Variants in EYS observed in about 807,000 individuals in gnomAD.
EYS encodes protein eyes shut homolog.
Under a neutral mutation model 282.1 loss-of-function variants are expected in EYS, and 250 were observed. The observed-to-expected ratio is 0.89, with a 90% CI of 0.80 to 0.98. The LOEUF (loss-of-function observed/expected upper bound fraction) is 0.98, where lower values mean the gene tolerates loss of function less well. Ranked by LOEUF, EYS falls within the 50% of genes least tolerant of loss-of-function variation. EYS has a pLI of 0.00. For synonymous variants in EYS, 1,355 were observed against 1,282.9 expected, an observed-to-expected ratio of 1.06 and a Z score of -1.20; for missense variants, 4,016 against 3,709.0, an observed-to-expected ratio of 1.08 and a Z score of -2.15.
intron 8 of EYS, among the ~76,000 whole-genome samples, chr6:65,380,703 A>C (rs1008086817): frequency 6.6e-6 from 1 of 152,190 alleles, no homozygotes; most frequent in Admixed American, 6.6e-5. Flanking sequence ...AATGGGAGAA[A>C]AATTTTGCAA....
intron 22 of EYS, among the ~76,000 whole-genome samples, chr6:64,688,007 T>G (rs1770221691): frequency 6.6e-6 from 1 of 152,196 alleles, no homozygotes; most frequent in Non-Finnish European, 1.5e-5. Context: ...CTAGTTTATT[T>G]GTGTAGAGGT....
chr6:64,815,147 AC>A, intron 21 of EYS: 1 of 387,190 alleles, frequency 2.6e-6, no homozygotes, highest in Non-Finnish European at 5.1e-6. Flanking sequence ...GATCTTGTAC[AC>A]CCCCACCCCC....
intron 40 of EYS, among the ~76,000 whole-genome samples, chr6:63,763,333 A>G (rs932798890): frequency 6.6e-6 from 1 of 150,482 alleles, no homozygotes; most frequent in Non-Finnish European, 1.5e-5. Context: ...AAACTTTCTG[A>G]TAGACCCATC....
chr6:64,711,601 C>A (rs1771215682), intron 22 of EYS, among the ~76,000 whole-genome samples: 1 of 152,144 alleles, frequency 6.6e-6, no homozygotes, highest in Non-Finnish European at 1.5e-5. Context: ...TCGGCTCATT[C>A]TTACTCTGTC....
intron 12 of EYS, among the ~76,000 whole-genome samples, chr6:65,114,036 A>C (rs1315171965): frequency 6.6e-6 from 1 of 152,010 alleles, no homozygotes; most frequent in Non-Finnish European, 1.5e-5. Flanking sequence ...TAATATCTCC[A>C]TCCACCAAAT....
intron 35 of EYS, among the ~76,000 whole-genome samples, chr6:63,938,796 C>T (rs963355166): frequency 1.3e-5 from 2 of 152,106 alleles, no homozygotes; most frequent in Admixed American, 1.3e-4. Flanking sequence ...GAGGAAAAGC[C>T]TAATTTCTAA....
chr6:64,335,193 G>C (rs985476395), intron 29 of EYS, among the ~76,000 whole-genome samples: 14 of 152,028 alleles, frequency 9.2e-5, no homozygotes, highest in Non-Finnish European at 4.4e-5. Flanking sequence ...CCTACTAGTA[G>C]TAGTAACAGA....
chr6:65,382,182 T>A (rs1233228460), intron 8 of EYS, among the ~76,000 whole-genome samples: 1 of 149,722 alleles, frequency 6.7e-6, no homozygotes, highest in African/African-American at 2.4e-5. Flanking sequence ...TTTAGTCTAA[T>A]ACATGGTCAT....
At position 64,704,567 on chromosome 6, in the gene EYS, A is replaced by G. The variant is rs1009650618; in HGVS notation, c.3444-78322T>C. 1.7e-3 allele frequency among the ~76,000 whole-genome samples: 246 copies of G among 149,072 alleles called. 2 individuals carry two copies. The highest frequency in any genetic ancestry group is 6.4e-3 in the Admixed American group (95 of 14,776). ...TAATTATAATACTTATAATACTCTC[A>G]TTGAAAGTAGATTTGGGAAGGTGAT... On this transcript the variant is annotated intron_variant, in intron 22 of 42. Transcript: ENST00000503581.
At chr6:64,927,766 A>C (rs544631182) in intron 15 of EYS, among the ~76,000 whole-genome samples, 1 of 152,268 alleles carries the variant, frequency 6.6e-6, no homozygotes, top group Admixed American at 6.5e-5. Flanking sequence ...ATCTGGCCAT[A>C]GTTATAATAA....
chr6:64,343,194 C>T (rs1398642554), intron 29 of EYS, among the ~76,000 whole-genome samples: 3 of 152,128 alleles, frequency 2.0e-5, no homozygotes, highest in East Asian at 1.9e-4. Context: ...CTCAGCTCTG[C>T]ACCAAGCGGA....
At position 64,591,760 on chromosome 6, in the gene EYS, T is replaced by C. The variant is rs996856507; in HGVS notation, c.4107A>G (p.Ser1369=). The part of the protein sequence containing the change: ...AQIVQDKTSV[S]HMPIRTSAAT... The stretch of plus-strand genomic sequence containing the variant: ...CTGCTGAAGTTCGAATAGGCATATG[T>C]GATACCGATGTTTTGTCCTGGACAA... Residue 1369 remains serine (S), a synonymous_variant, in exon 26 of 43, where the codon TCA becomes TCG. Transcript: ENST00000503581. The C allele has an allele frequency of 6.4e-7, 1 of 1,551,322 alleles. No individual in the cohort carries two copies. The highest frequency in any genetic ancestry group is 1.4e-5 in the African/African-American group (1 of 73,118).
chr6:64,048,836 G>A (rs1235184599), intron 33 of EYS, among the ~76,000 whole-genome samples: 2 of 151,696 alleles, frequency 1.3e-5, no homozygotes, highest in Non-Finnish European at 2.9e-5. Context: ...CCTGTCATAT[G>A]TAGCTCCACT....
At chr6:65,049,505 A>T (rs572323433) in intron 13 of EYS, among the ~76,000 whole-genome samples, 59 of 151,980 alleles carry the variant, frequency 3.9e-4, no homozygotes, top group Middle Eastern at 3.4e-3. Context: ...AGATTTGAAC[A>T]ACCTGAAAAG....
At chr6:65,407,025 T>G (rs1009107111) in intron 5 of EYS, among the ~76,000 whole-genome samples, 11 of 152,112 alleles carry the variant, frequency 7.2e-5, no homozygotes, top group Admixed American at 5.9e-4. Flanking sequence ...TTATAGGAAT[T>G]TTATTAAATC....
chr6:65,368,832 TGAA>T (rs1370172423), intron 8 of EYS, among the ~76,000 whole-genome samples: 1 of 151,488 alleles, frequency 6.6e-6, no homozygotes, highest in African/African-American at 2.4e-5. Flanking sequence ...ACTCAATTAA[TGAA>T]GTTCTTTCAG....
intron 28 of EYS, among the ~76,000 whole-genome samples, chr6:64,399,872 C>A (rs555556921): frequency 4.0e-4 from 61 of 151,910 alleles, no homozygotes; most frequent in African/African-American, 1.4e-3. Context: ...ACTTTTTAAT[C>A]GGAGCTGGTC....
intron 29 of EYS, among the ~76,000 whole-genome samples, chr6:64,354,820 AATTAT>A (rs200460222): frequency 0.013 from 2,008 of 151,694 alleles, 44 homozygotes; most frequent in African/African-American, 0.045. Context: ...TGCAATGCTT[AATTAT>A]AATTATGTGT....
chr6:64,541,763 A>G (rs1384057366), intron 26 of EYS, among the ~76,000 whole-genome samples: 1 of 152,112 alleles, frequency 6.6e-6, no homozygotes, highest in Admixed American at 6.6e-5. Flanking sequence ...ACATTTGTAA[A>G]TGGGGATTAA....
Sources: gnomAD v4.1 joint callset for allele counts (sites outside exome capture counted in the v4.1 genomes callset) on GRCh38, gnomAD v4.1.1 for gene constraint, MANE v1.5 for transcripts, NCBI Gene and HGNC (gene_info 2026-07-23, HGNC 2026-07-21) for gene names.